The following DMD variants were observed in gnomAD, a reference collection of about 807,000 sequenced individuals.
The protein encoded by DMD is mutant dystrophin.
DMD carries 63 observed loss-of-function variants against 330.1 expected under a neutral mutation model. The observed-to-expected ratio is 0.19, with a 90% confidence interval of 0.16 to 0.24. DMD has a LOEUF of 0.24. DMD is among the 10% of genes least tolerant of loss of function. The pLI is 1.00. For synonymous variants in DMD, 1,223 were observed against 959.8 expected, an observed-to-expected ratio of 1.27 and a Z score of -5.07; for missense variants, 3,344 against 2,684.1, an observed-to-expected ratio of 1.25 and a Z score of -5.43.
At chrX:32,349,159 TTTC>T (rs1445320238) in intron 37 of DMD, among the ~76,000 whole-genome samples, 1 of 111,584 alleles carries the variant, frequency 9.0e-6, no homozygotes, top group Non-Finnish European at 1.9e-5. Context: ...TAAACATCAG[TTTC>T]TTTACTTTTG....
At chrX:32,705,116 G>A (rs2064498950) in intron 7 of DMD, among the ~76,000 whole-genome samples, 1 of 111,998 alleles carries the variant, frequency 8.9e-6, no homozygotes, top group African/African-American at 3.2e-5. Flanking sequence ...CTACTTACAA[G>A]TCACTATATA....
At chrX:32,981,134 G>C (rs16990794) in intron 2 of DMD, among the ~76,000 whole-genome samples, 2,334 of 111,684 alleles carry the variant, frequency 0.021, 77 homozygotes, top group African/African-American at 0.071. Context: ...TTGGATATTT[G>C]AAACAACAAG....
chrX:31,451,648 A>G (rs778351984), intron 59 of DMD, among the ~76,000 whole-genome samples: 1 of 110,414 alleles, frequency 9.1e-6, no homozygotes, highest in South Asian at 3.9e-4. Flanking sequence ...CTCTCCAACA[A>G]AACTGGGATT....
intron 74 of DMD, among the ~76,000 whole-genome samples, chrX:31,160,797 AC>A (rs939051505): frequency 9.0e-6 from 1 of 111,475 alleles, no homozygotes; most frequent in African/African-American, 3.3e-5. Context: ...GAGAACTGTC[AC>A]CCTATCTTTG....
intron 44 of DMD, among the ~76,000 whole-genome samples, chrX:32,071,309 C>T (rs1443668571): frequency 9.1e-6 from 1 of 110,357 alleles, no homozygotes; most frequent in Non-Finnish European, 1.9e-5. Context: ...TGTTTCTCCA[C>T]ATCCTCACCA....
intron 1 of DMD, among the ~76,000 whole-genome samples, chrX:33,052,947 T>C (rs1486326406): frequency 8.9e-6 from 1 of 111,956 alleles, no homozygotes; most frequent in Non-Finnish European, 1.9e-5. Flanking sequence ...GCACCTACTA[T>C]GTACCCACAA....
chrX:31,687,774 C>A (rs2082786710), intron 52 of DMD, among the ~76,000 whole-genome samples: 1 of 112,018 alleles, frequency 8.9e-6, no homozygotes, highest in African/African-American at 3.2e-5. Flanking sequence ...AGCTCCACTG[C>A]ATGTTATTTG....
At chrX:33,267,069 G>A (rs979264832) in intron 1 of DMD, among the ~76,000 whole-genome samples, 1 of 110,951 alleles carries the variant, frequency 9.0e-6, no homozygotes, top group East Asian at 2.8e-4. Context: ...TTTCACTGAC[G>A]GTATGATTCT....
intron 44 of DMD, among the ~76,000 whole-genome samples, chrX:32,047,007 C>T (rs1450659042): frequency 1.8e-5 from 2 of 111,448 alleles, no homozygotes; most frequent in African/African-American, 3.3e-5. Context: ...AATTGGCTCA[C>T]TGAAATGCTT....
At chrX:31,441,003 C>T (rs1283538197) in intron 60 of DMD, among the ~76,000 whole-genome samples, 3 of 112,096 alleles carry the variant, frequency 2.7e-5, no homozygotes, top group African/African-American at 9.7e-5. Flanking sequence ...AGCTAAAAAA[C>T]TAGCATGGCT....
intron 37 of DMD, among the ~76,000 whole-genome samples, chrX:32,352,133 T>C (rs1251010228): frequency 9.0e-6 from 1 of 110,879 alleles, no homozygotes; most frequent in Non-Finnish European, 1.9e-5. Context: ...AGGACTGCAA[T>C]TTTTTTAAAA....
At chrX:32,857,637 G>T (rs1455041436) in intron 2 of DMD, among the ~76,000 whole-genome samples, 1 of 112,034 alleles carries the variant, frequency 8.9e-6, no homozygotes, top group Non-Finnish European at 1.9e-5. Flanking sequence ...ATCCAGGGTA[G>T]AAAGTTGAAG....
intron 2 of DMD, among the ~76,000 whole-genome samples, chrX:32,919,670 A>G: frequency 1.8e-5 from 2 of 111,866 alleles, no homozygotes; most frequent in Non-Finnish European, 3.8e-5. Context: ...TCCAATTCCT[A>G]TTTCCTAGGT....
chrX:33,032,984 A>G (rs1008524015), intron 1 of DMD, among the ~76,000 whole-genome samples: 8 of 112,257 alleles, frequency 7.1e-5, no homozygotes, highest in African/African-American at 2.6e-4. Flanking sequence ...TGCAGTCAGT[A>G]AAAGAACATT....
At chrX:32,814,162 G>C (rs2077558780) in intron 6 of DMD, among the ~76,000 whole-genome samples, 1 of 111,727 alleles carries the variant, frequency 9.0e-6, no homozygotes, top group South Asian at 3.7e-4. Context: ...CTTCTAATTT[G>C]CTGTGGTAAT....
chrX:33,314,654 G>A (rs1346779691), intron 1 of DMD, among the ~76,000 whole-genome samples: 1 of 101,149 alleles, frequency 9.9e-6, no homozygotes, highest in Non-Finnish European at 2.0e-5. Context: ...GGAGACTCTA[G>A]GGGAGAATCC....
At chrX:32,313,420 T>G (rs1418080967) in intron 41 of DMD, among the ~76,000 whole-genome samples, 2 of 111,326 alleles carry the variant, frequency 1.8e-5, no homozygotes, top group Non-Finnish European at 3.8e-5. Flanking sequence ...TAAGAGCTAT[T>G]TATGACAAAC....
intron 1 of DMD, among the ~76,000 whole-genome samples, chrX:33,204,280 C>G (rs150882898): frequency 8.0e-5 from 9 of 111,948 alleles, no homozygotes; most frequent in Admixed American, 1.9e-4. Flanking sequence ...CCCAGTCGGC[C>G]ATTCAGATGC....
chrX:31,602,316 C>T (rs1204113743), intron 55 of DMD, among the ~76,000 whole-genome samples: 2 of 103,355 alleles, frequency 1.9e-5, no homozygotes, highest in Non-Finnish European at 3.9e-5. Flanking sequence ...TGGCTCCTTT[C>T]TCCAGTTTTT....
Sources: allele counts gnomAD v4.1 joint callset (sites outside exome capture counted in the v4.1 genomes callset), GRCh38; gene constraint gnomAD v4.1.1; transcripts MANE v1.5; gene names NCBI Gene and HGNC (gene_info 2026-07-23, HGNC 2026-07-21).